PPP1R13B: variants seen among roughly 807,000 people sequenced by gnomAD.
PPP1R13B encodes the protein apoptosis-stimulating of p53 protein 1.
In PPP1R13B, 44 loss-of-function variants were observed where a neutral mutation model predicts 119.8. The observed-to-expected ratio is 0.37, with a 90% CI of 0.29 to 0.47. The LOEUF is 0.47. Among genes scored for constraint, PPP1R13B ranks in the 20% least tolerant of loss-of-function variants. The probability of loss-of-function intolerance (pLI) is 0.99; values close to 1 mark genes in which losing one functional copy is unlikely to be tolerated. For synonymous variants in PPP1R13B, 542 were observed against 561.5 expected (o/e 0.97, Z 0.49); for missense variants, 1,227 against 1,413.5 (o/e 0.87, Z 2.12).
chr14:103,754,802 C>A (rs1001689978), intron 5 of PPP1R13B, among the ~76,000 whole-genome samples: 2 of 149,854 alleles, frequency 1.3e-5, no homozygotes, highest in Non-Finnish European at 3.0e-5. Context: ...TCTTTTGAGA[C>A]GGAGTCTCGC....
rs911014342 is a variant in PPP1R13B at position 103,792,425 on chromosome 14, G to A, written c.157+4946C>T. On this transcript the variant is annotated intron_variant, in intron 2 of 16. Coordinates refer to ENST00000202556, the MANE Select transcript of PPP1R13B (RefSeq NM_015316.3). Reference sequence around the variant, plus strand: ...AGTTCTGGGCTCAAGCAATCTGCCAGCCTTGGCCTCAAGTGCTGGGATTAC... The same window carrying A: ...AGTTCTGGGCTCAAGCAATCTGCCAACCTTGGCCTCAAGTGCTGGGATTAC... Among the ~76,000 whole-genome samples the A allele has an allele frequency of 5.9e-5, 9 of 152,122 alleles. 1 individual carries two copies. The highest frequency in any genetic ancestry group is 2.9e-5 in the Non-Finnish European group (2 of 68,036).
At chr14:103,841,473 C>T (rs1239504701) in intron 1 of PPP1R13B, among the ~76,000 whole-genome samples, 1 of 152,056 alleles carries the variant, frequency 6.6e-6, no homozygotes, top group East Asian at 1.9e-4. Context: ...GCCTGTAATC[C>T]CAGCTACTCA....
rs61350337 is a variant in PPP1R13B at position 103,751,452 on chromosome 14, G to A, written c.829-1518C>T. ...TTTTCTAGCAAGTGCTAATAAAGCA[G>A]CAAGACCTATTTCTGGCTTGAAAAA... On this transcript the variant is annotated intron_variant, in intron 7 of 16. Transcript: ENST00000202556. 6.9e-3 allele frequency among the ~76,000 whole-genome samples: 1,058 copies of A among 152,290 alleles called. 15 individuals carry two copies. The highest frequency in any genetic ancestry group is 0.024 in the African/African-American group (1,005 of 41,546).
At chr14:103,744,291 T>C (rs1012339635) in intron 9 of PPP1R13B, among the ~76,000 whole-genome samples, 1 of 152,204 alleles carries the variant, frequency 6.6e-6, no homozygotes, top group Non-Finnish European at 1.5e-5. Flanking sequence ...AGTATGATTG[T>C]AAAACTAAAA....
At chr14:103,846,720 G>A (rs955168521) in intron 1 of PPP1R13B, 47 of 455,954 alleles carry the variant, frequency 1.0e-4, no homozygotes, top group Non-Finnish European at 2.6e-5. Flanking sequence ...CACTACAAAC[G>A]AACCTCGTTC....
intron 3 of PPP1R13B, among the ~76,000 whole-genome samples, chr14:103,782,094 C>T (rs12436676): frequency 0.079 from 12,028 of 152,212 alleles, 624 homozygotes; most frequent in Admixed American, 0.16. Flanking sequence ...AACCCTCCCT[C>T]CTCTGTTCTA....
At chr14:103,736,355 T>C in intron 15 of PPP1R13B, 153 bp from the exon 16 acceptor site, 1 of 752,164 alleles carries the variant, frequency 1.3e-6, no homozygotes, top group Non-Finnish European at 2.2e-6. Flanking sequence ...TATTGAAGAC[T>C]AGGGCCCCCA....
rs770919209 is a variant in PPP1R13B, at chr14:103,739,931, T to G, written c.2485A>C (p.Thr829Pro). 1 of 1,614,084 alleles carries G rather than the reference T, an allele frequency of 6.2e-7. No individual in the cohort carries two copies. The highest frequency in any genetic ancestry group is 8.5e-7 in the Non-Finnish European group (1 of 1,180,022). ...DNNNNVATVP[T>P]TEQIPSPVAE... ...ACAGGACTCGGGATCTGCTCCGTGG[T>G]GGGGACCGTGGCCACGTTGTTGTTA... The change falls in exon 12 of 17, where the codon ACC (threonine) becomes CCC (proline). Residue 829 changes from threonine (T) to proline (P), a missense_variant. Physicochemically the swap from Thr to Pro is conservative, Grantham distance 38. Coordinates refer to ENST00000202556, the MANE Select transcript of PPP1R13B (RefSeq NM_015316.3).
Position 103,733,694 on chromosome 14 carries a change from A to C in PPP1R13B, c.*1460T>G, listed in dbSNP as rs567259794. The C allele has an allele frequency of 1.3e-5, 2 of 152,694 alleles. No individual in the cohort carries two copies. Among genetic ancestry groups the C allele is most frequent in the South Asian group, 4.1e-4 (2 of 4,828 alleles). 9.5% of individuals were successfully genotyped at this position (152,694 alleles called of 1,614,324 possible). The stretch of plus-strand genomic sequence containing the variant: ...CAAGGCCTCGCCTTCCTGTGTCCAG[A>C]TCACCTGAACCCTCGTGCCACAGCG... On this transcript the variant is annotated 3_prime_UTR_variant, in exon 17 of 17. Coordinates refer to ENST00000202556, the MANE Select transcript of PPP1R13B (RefSeq NM_015316.3).
chr14:103,742,003 C>G lies in PPP1R13B; in HGVS notation c.1609G>C (p.Ala537Pro). The G allele has an allele frequency of 1.9e-6, 3 of 1,614,276 alleles. No homozygotes were observed. The highest frequency in any genetic ancestry group is 2.5e-6 in the Non-Finnish European group (3 of 1,180,058). Reference protein sequence around the residue: ...SPTYPPAGPPAFPAGDSKPEL... With the variant: ...SPTYPPAGPPPFPAGDSKPEL... ...GGCTTGCTGTCCCCAGCTGGAAATG[C>G]AGGTGGTCCCGCTGGCGGGTACGTG... The change falls in exon 11 of 17, where the codon GCA (alanine) becomes CCA (proline). Residue 537 changes from alanine to proline, a missense_variant. By Grantham distance (27) the Ala-to-Pro change is conservative. Transcript: ENST00000202556. The surrounding 1 kb of genome is among the most constrained non-coding windows in gnomAD (Gnocchi z 4.9).
At chr14:103,791,716 C>T (rs544254234) in intron 2 of PPP1R13B, among the ~76,000 whole-genome samples, 4 of 152,236 alleles carry the variant, frequency 2.6e-5, no homozygotes, top group South Asian at 4.1e-4. Flanking sequence ...AGCAAGACTC[C>T]ATCTCAAAAC....
chr14:103,741,873 T>A lies in PPP1R13B; in HGVS notation c.1739A>T (p.Tyr580Phe). 1 of 1,613,858 alleles carries A rather than the reference T, an allele frequency of 6.2e-7. No homozygotes were observed. The highest frequency in any genetic ancestry group is 8.5e-7 in the Non-Finnish European group (1 of 1,179,966). The stretch of plus-strand genomic sequence containing the variant: ...TGTGGCTTGCTGGAGGTACATGGAG[T>A]ATATGGAACTTGAATTCACTGTCTG... ...GPQTVNSSSI[Y>F]SMYLQQATPP... The change falls in exon 11 of 17, where the codon TAC (tyrosine) becomes TTC (phenylalanine). Residue 580 changes from tyrosine to phenylalanine, a missense_variant. Tyr to Phe is a conservative substitution (Grantham distance 22, BLOSUM62 3). Coordinates refer to ENST00000202556, the MANE Select transcript of PPP1R13B (RefSeq NM_015316.3).
chr14:103,781,745 G>A (rs992029441), intron 3 of PPP1R13B, among the ~76,000 whole-genome samples: 2 of 152,024 alleles, frequency 1.3e-5, no homozygotes, highest in African/African-American at 2.4e-5. Flanking sequence ...TCTGCCTCCC[G>A]GGTTCACACC....
At chr14:103,848,353 T>A (rs2087123380), upstream of PPP1R13B, 6 of 985,310 alleles carry the variant, frequency 6.1e-6, 1 homozygote, top group South Asian at 2.8e-4. Context: ...GGTCTCTCCC[T>A]GCAGTCCCGT....
At chr14:103,784,257 T>C (rs2085399565) in intron 3 of PPP1R13B, among the ~76,000 whole-genome samples, 1 of 151,928 alleles carries the variant, frequency 6.6e-6, no homozygotes, top group South Asian at 2.1e-4. Context: ...CTTAGAGTCC[T>C]GAGAAGGAAA....
chr14:103,782,574 A>G (rs907834596), intron 3 of PPP1R13B, among the ~76,000 whole-genome samples: 3 of 152,182 alleles, frequency 2.0e-5, no homozygotes, highest in Non-Finnish European at 4.4e-5. Flanking sequence ...GAAGGTGCCA[A>G]CCGCCTCCCA....
In PPP1R13B at chr14:103,749,096, T is replaced by C. The variant is rs117138356; in HGVS notation, c.969+698A>G. On this transcript the variant is annotated intron_variant, in intron 8 of 16. Transcript: ENST00000202556. ...TATCTTAAGGAATCGACTCATGTGA[T>C]TGTGGACGCTGGCAAGTCCAAAATC... Among the ~76,000 whole-genome samples, 150 of 152,314 alleles carry C rather than the reference T, an allele frequency of 9.8e-4. 3 individuals are homozygous for C. In the East Asian group the frequency reaches 0.024, roughly 25 times the overall value.
chr14:103,766,393 G>A (rs574814504), intron 4 of PPP1R13B, among the ~76,000 whole-genome samples: 1 of 152,274 alleles, frequency 6.6e-6, no homozygotes, highest in South Asian at 2.1e-4. Context: ...CCACGCTTAA[G>A]TGTCAGGTCA....
intron 1 of PPP1R13B, among the ~76,000 whole-genome samples, chr14:103,837,766 T>G (rs2086810475): frequency 1.3e-5 from 2 of 152,174 alleles, no homozygotes; most frequent in Admixed American, 1.3e-4. Context: ...TAATTCTGGC[T>G]CTAGAATTAT....
Sources: allele counts gnomAD v4.1 joint callset (sites outside exome capture counted in the v4.1 genomes callset), GRCh38; gene constraint gnomAD v4.1.1; non-coding constraint Gnocchi (gnomAD v3.1); transcripts MANE v1.5; gene names NCBI Gene and HGNC (gene_info 2026-07-23, HGNC 2026-07-21).